Variants in AUTS2 observed in about 807,000 individuals in gnomAD.
The protein encoded by AUTS2 is activator of transcription and developmental regulator AUTS2, also known as autism susceptibility gene 2 protein.
A neutral mutation model predicts 112.4 loss-of-function variants in AUTS2; 17 were observed. That is an observed-to-expected ratio of 0.15 (90% CI 0.10 to 0.23). The LOEUF (loss-of-function observed/expected upper bound fraction) is 0.23, where lower values mean the gene tolerates loss of function less well. Ranked by LOEUF, AUTS2 falls within the 10% of genes least tolerant of loss-of-function variation. AUTS2 has a pLI of 1.00. For missense variants in AUTS2, 1,510 were observed against 1,701.6 expected (o/e 0.89, Z 1.98); for synonymous variants, 751 against 702.7 (o/e 1.07, Z -1.09).
intron 5 of AUTS2, among the ~76,000 whole-genome samples, chr7:70,476,789 T>G (rs1473410898): frequency 6.6e-6 from 1 of 152,138 alleles, no homozygotes; most frequent in Non-Finnish European, 1.5e-5. Context: ...GCTCAAAAAT[T>G]TGTTGTAATA....
chr7:70,020,484 CA>C (rs1323318420), intron 2 of AUTS2, among the ~76,000 whole-genome samples: 1 of 152,074 alleles, frequency 6.6e-6, no homozygotes, highest in Non-Finnish European at 1.5e-5. Context: ...GTATGCTATA[CA>C]AAGGGATAGG....
chr7:70,275,773 C>A (rs1188534062), intron 4 of AUTS2, among the ~76,000 whole-genome samples: 1 of 152,130 alleles, frequency 6.6e-6, no homozygotes, highest in East Asian at 1.9e-4. Flanking sequence ...CTTCTCTGGG[C>A]ACTCATTCTT....
intron 5 of AUTS2, among the ~76,000 whole-genome samples, chr7:70,650,394 G>A (rs930941798): frequency 8.5e-5 from 13 of 152,198 alleles, no homozygotes; most frequent in African/African-American, 3.1e-4. Flanking sequence ...CAGTGAACTT[G>A]AGGGCTCTTG....
At chr7:70,053,812 G>T (rs1756302648) in intron 2 of AUTS2, among the ~76,000 whole-genome samples, 1 of 152,098 alleles carries the variant, frequency 6.6e-6, no homozygotes, top group Admixed American at 6.5e-5. Flanking sequence ...AAAGTGCTGT[G>T]GGATTACTGG....
chr7:70,761,125 T>C (rs1274775247), intron 6 of AUTS2, among the ~76,000 whole-genome samples: 4 of 152,216 alleles, frequency 2.6e-5, no homozygotes, highest in African/African-American at 9.7e-5. Context: ...GGCAAACAAG[T>C]GTGTATATAC....
chr7:69,915,390 C>T (rs185625806), intron 2 of AUTS2, among the ~76,000 whole-genome samples: 4 of 152,220 alleles, frequency 2.6e-5, no homozygotes, highest in East Asian at 1.9e-4. Flanking sequence ...AAATAAGGTT[C>T]GCACATTTTT....
chr7:70,366,562 G>T (rs981829549), intron 4 of AUTS2, among the ~76,000 whole-genome samples: 1 of 152,134 alleles, frequency 6.6e-6, no homozygotes, highest in Admixed American at 6.5e-5. Flanking sequence ...ATCCTCCAGA[G>T]GTTTTTAAGC....
Position 69,599,703 on chromosome 7 carries a change from G to A in AUTS2, c.50G>A (p.Arg17Gln). The A allele has an allele frequency of 1.5e-6, 2 of 1,324,928 alleles. No homozygotes were observed. Among genetic ancestry groups the A allele is most frequent in the Non-Finnish European group, 1.9e-6 (2 of 1,041,860 alleles). The allele number at this position is 1,324,928 out of a possible 1,614,324, so 82.1% of individuals were successfully genotyped here. ...GGACTCCGCAAAAAGCGGCGGTCGC[G>A]GTCGCAGCGAGACCGGGAGAGGCGC... ...GHGLRKKRRS[R>Q]SQRDRERRSR... is the part of the protein sequence containing the mutation. Residue 17 changes from arginine (R) to glutamine (Q), a missense_variant, in exon 1 of 19, where the codon CGG becomes CAG. Transcript: ENST00000342771. This position sits in a 1 kb window ranked among gnomAD's most constrained non-coding sequence, Gnocchi z 7.0.
At chr7:70,321,645 A>G (rs1251356260) in intron 4 of AUTS2, among the ~76,000 whole-genome samples, 2 of 152,224 alleles carry the variant, frequency 1.3e-5, no homozygotes, top group African/African-American at 4.8e-5. Context: ...TGACTAAGTC[A>G]TGCACTTCTA....
intron 4 of AUTS2, among the ~76,000 whole-genome samples, chr7:70,191,160 TC>T (rs1809860530): frequency 6.9e-6 from 1 of 144,356 alleles, no homozygotes; most frequent in African/African-American, 2.6e-5. Context: ...TCCACTTATT[TC>T]TTTTTTTTTT....
rs776075647 is a variant in AUTS2, at chr7:70,785,943, T to TA, written c.2225-12_2225-11insA. Reference sequence around the variant, plus strand: ...CCCCTGACCATTTCCTTCTTCCCCATCTTGTTTGCAGAGCCTTTTAATCGG... The same window carrying TA: ...CCCCTGACCATTTCCTTCTTCCCCATACTTGTTTGCAGAGCCTTTTAATCGG... On this transcript the variant is annotated splice_polypyrimidine_tract_variant and intron_variant, in intron 16 of 18. Coordinates refer to ENST00000342771, the MANE Select transcript of AUTS2 (RefSeq NM_015570.4). The TA allele has an allele frequency of 4.3e-6, 7 of 1,613,494 alleles. No homozygotes were observed. In the South Asian group the frequency reaches 7.7e-5, roughly 18 times the overall value.
intron 5 of AUTS2, among the ~76,000 whole-genome samples, chr7:70,649,127 C>G (rs1302928233): frequency 6.6e-6 from 1 of 151,910 alleles, no homozygotes; most frequent in African/African-American, 2.4e-5. Context: ...TATGGTGGCT[C>G]ATGCCTGTAA....
intron 4 of AUTS2, among the ~76,000 whole-genome samples, chr7:70,265,273 AG>A (rs1787362439): frequency 6.6e-6 from 1 of 152,200 alleles, no homozygotes; most frequent in Non-Finnish European, 1.5e-5. Context: ...AGTTGGCAAA[AG>A]ATGGTGGTGA....
At chr7:70,472,369 G>GGT (rs1554407109) in intron 5 of AUTS2, among the ~76,000 whole-genome samples, 6 of 144,312 alleles carry the variant, frequency 4.2e-5, no homozygotes, top group African/African-American at 1.3e-4. Context: ...TTGGGGTGGG[G>GGT]TTTTTTTTTT....
At chr7:69,789,706 C>T (rs1789532894) in intron 1 of AUTS2, among the ~76,000 whole-genome samples, 1 of 152,024 alleles carries the variant, frequency 6.6e-6, no homozygotes, top group Non-Finnish European at 1.5e-5. Context: ...TCACATATTT[C>T]AGAGTACGTT....
intron 1 of AUTS2, among the ~76,000 whole-genome samples, chr7:69,874,115 G>C (rs1236723082): frequency 6.6e-6 from 1 of 152,138 alleles, no homozygotes; most frequent in Non-Finnish European, 1.5e-5. Context: ...TTAGAGGCTG[G>C]ACACAGTGGG....
intron 4 of AUTS2, among the ~76,000 whole-genome samples, chr7:70,139,368 G>A (rs114380886): frequency 8.6e-4 from 131 of 152,256 alleles, no homozygotes; most frequent in Non-Finnish European, 1.6e-3. Context: ...GCTTGCGGCT[G>A]CAACATTTAT....
At chr7:69,708,991 G>A (rs907802588) in intron 1 of AUTS2, among the ~76,000 whole-genome samples, 2 of 152,194 alleles carry the variant, frequency 1.3e-5, no homozygotes, top group African/African-American at 2.4e-5. Flanking sequence ...CATCCCTGAT[G>A]ACTCAGCTGA....
intron 4 of AUTS2, among the ~76,000 whole-genome samples, chr7:70,317,765 T>G (rs1790065138): frequency 6.6e-6 from 1 of 152,220 alleles, no homozygotes; most frequent in Admixed American, 6.5e-5. Context: ...AGGTCATTAT[T>G]GCATGCTGGT....
Sources: allele counts gnomAD v4.1 joint callset (sites outside exome capture counted in the v4.1 genomes callset), GRCh38; gene constraint gnomAD v4.1.1; non-coding constraint Gnocchi (gnomAD v3.1); transcripts MANE v1.5; gene names NCBI Gene and HGNC (gene_info 2026-07-23, HGNC 2026-07-21).